Variants in GRIK2 observed in about 807,000 individuals in gnomAD.
The protein encoded by GRIK2 is glutamate ionotropic receptor kainate type subunit 2.
In GRIK2, 32 loss-of-function variants were observed where a neutral mutation model predicts 100.3. That is an observed-to-expected ratio of 0.32 (90% confidence interval 0.24 to 0.43). The LOEUF (loss-of-function observed/expected upper bound fraction) is 0.43, where lower values mean the gene tolerates loss of function less well. Ranked by LOEUF, GRIK2 falls within the 20% of genes least tolerant of loss-of-function variation. The pLI is 1.00. For synonymous variants in GRIK2, 417 were observed against 389.4 expected (o/e 1.07, Z -0.83); for missense variants, 843 against 1,114.9 (o/e 0.76, Z 3.47).
intron 2 of GRIK2, among the ~76,000 whole-genome samples, chr6:101,508,867 T>C (rs1054304787): frequency 1.3e-5 from 2 of 151,982 alleles, no homozygotes; most frequent in African/African-American, 4.8e-5. Context: ...TATAAAATGG[T>C]GTTGTAGGCT....
At chr6:101,441,246 ACT>A (rs1205888812) in intron 2 of GRIK2, among the ~76,000 whole-genome samples, 1 of 151,842 alleles carries the variant, frequency 6.6e-6, no homozygotes, top group African/African-American at 2.4e-5. Context: ...TGAGTAGTCT[ACT>A]CTCTGTCCCT....
intron 14 of GRIK2, among the ~76,000 whole-genome samples, chr6:101,938,741 A>AGGT (rs1223098281): frequency 6.6e-6 from 1 of 152,054 alleles, no homozygotes; most frequent in Non-Finnish European, 1.5e-5. Context: ...TGTAAGAATA[A>AGGT]GGTATGCTTT....
At chr6:101,952,874 C>A (rs1791689436) in intron 14 of GRIK2, among the ~76,000 whole-genome samples, 1 of 152,094 alleles carries the variant, frequency 6.6e-6, no homozygotes. Context: ...AGTGTCACCA[C>A]AATAATTTTT....
At chr6:101,617,086 A>G (rs1416370038) in intron 2 of GRIK2, among the ~76,000 whole-genome samples, 1 of 151,696 alleles carries the variant, frequency 6.6e-6, no homozygotes, top group Non-Finnish European at 1.5e-5. Context: ...ATTTAGTAAT[A>G]TTGCCTTTAT....
rs3057496 is a variant in GRIK2 at position 101,414,940 on chromosome 6, TTGTGTGTG to T, written c.115+15564_115+15571del. On this transcript the variant is annotated intron_variant, in intron 2 of 16. Transcript: ENST00000369134. ...AAAAAAGCTCTGTAGAGTTTTAAAC[TTGTGTGTG>T]TGTGTGTGTGTGTGTATGTGTGTGT... Among the ~76,000 whole-genome samples the T allele has an allele frequency of 3.4e-4, 51 of 149,892 alleles. No homozygotes were observed. In the East Asian group the frequency reaches 6.9e-3, roughly 20 times the overall value.
chr6:101,951,569 C>G (rs1225655986), intron 14 of GRIK2, among the ~76,000 whole-genome samples: 1 of 152,160 alleles, frequency 6.6e-6, no homozygotes, highest in African/African-American at 2.4e-5. Context: ...TAGCTGTGTT[C>G]CCATCCAAAT....
chr6:101,989,070 A>G (rs965805877), intron 14 of GRIK2, among the ~76,000 whole-genome samples: 3 of 152,024 alleles, frequency 2.0e-5, no homozygotes, highest in Admixed American at 6.6e-5. Flanking sequence ...ATGAATCAGT[A>G]AGAGCAACTT....
rs866489132 is a variant in GRIK2, at chr6:101,976,135, A to G, written c.2085+47503A>G. Among the ~76,000 whole-genome samples the G allele has an allele frequency of 7.2e-5, 11 of 152,060 alleles. 1 individual carries two copies. In the Middle Eastern group the frequency reaches 0.01, roughly 141 times the overall value. On this transcript the variant is annotated intron_variant, in intron 14 of 16. Coordinates refer to ENST00000369134, the MANE Select transcript of GRIK2 (RefSeq NM_021956.5). The stretch of plus-strand genomic sequence containing the variant: ...AAGATCCGACATTTCAGGAAAATGG[A>G]AAGTGTTTAAAGATCTACAGTGAGA...
At chr6:101,898,866 T>C (rs999550212) in intron 12 of GRIK2, among the ~76,000 whole-genome samples, 2 of 151,932 alleles carry the variant, frequency 1.3e-5, no homozygotes, top group Non-Finnish European at 2.9e-5. Flanking sequence ...TAGTGATAAA[T>C]CACATCTTTC....
At chr6:101,955,412 G>A (rs1791852893) in intron 14 of GRIK2, among the ~76,000 whole-genome samples, 1 of 152,068 alleles carries the variant, frequency 6.6e-6, no homozygotes, top group African/African-American at 2.4e-5. Context: ...AACACTTTGG[G>A]AGGCCAAAGC....
intron 14 of GRIK2, among the ~76,000 whole-genome samples, chr6:102,003,196 CATTT>C (rs755626366): frequency 6.6e-6 from 1 of 151,384 alleles, no homozygotes; most frequent in Non-Finnish European, 1.5e-5. Flanking sequence ...ATTTTATATT[CATTT>C]GTTTATCACA....
Position 102,064,856 on chromosome 6 carries a change from G to A in GRIK2, c.2563-3491G>A, listed in dbSNP as rs528385879. Among the ~76,000 whole-genome samples the A allele has an allele frequency of 5.3e-5, 8 of 151,242 alleles. No homozygotes were observed. The South Asian group carries it at 1.7e-3, about 31-fold the overall frequency. ...ATGAACAGTTCTTTGTGATATCCTT[G>A]AATTTGTTTAATTTGCCATGTTAAT... is the stretch of plus-strand genomic sequence containing the variant. On this transcript the variant is annotated intron_variant, in intron 16 of 16. Transcript: ENST00000369134.
At chr6:102,037,980 T>C (rs1378921365) in intron 15 of GRIK2, among the ~76,000 whole-genome samples, 2 of 151,604 alleles carry the variant, frequency 1.3e-5, no homozygotes, top group East Asian at 3.9e-4. Context: ...GCTATGAATA[T>C]CATCATGCAG....
chr6:101,634,701 C>A (rs1297330294), intron 4 of GRIK2, among the ~76,000 whole-genome samples: 1 of 151,770 alleles, frequency 6.6e-6, no homozygotes, highest in Non-Finnish European at 1.5e-5. Flanking sequence ...AATGTACATT[C>A]TTTTCATTAG....
At chr6:101,684,245 C>T (rs1771504776) in intron 6 of GRIK2, among the ~76,000 whole-genome samples, 1 of 152,136 alleles carries the variant, frequency 6.6e-6, no homozygotes, top group East Asian at 1.9e-4. Flanking sequence ...GCTGTTACAA[C>T]TCAGCATAAG....
At chr6:101,506,998 T>C (rs1449651646) in intron 2 of GRIK2, among the ~76,000 whole-genome samples, 1 of 152,104 alleles carries the variant, frequency 6.6e-6, no homozygotes, top group Non-Finnish European at 1.5e-5. Context: ...TGACATCCCA[T>C]GAAGTTTGGA....
chr6:101,984,450 A>G (rs181502717), intron 14 of GRIK2, among the ~76,000 whole-genome samples: 28 of 151,738 alleles, frequency 1.8e-4, no homozygotes, highest in Non-Finnish European at 3.5e-4. Flanking sequence ...GTTGACTGGA[A>G]CTTAATTAAA....
intron 2 of GRIK2, among the ~76,000 whole-genome samples, chr6:101,565,671 T>C (rs992229640): frequency 6.6e-6 from 1 of 151,728 alleles, no homozygotes; most frequent in African/African-American, 2.4e-5. Flanking sequence ...TTAGATTTAA[T>C]CAAATTCTAC....
chr6:101,926,662 G>A (rs766982528), intron 13 of GRIK2, among the ~76,000 whole-genome samples: 16 of 152,170 alleles, frequency 1.1e-4, no homozygotes, highest in East Asian at 1.9e-4. Flanking sequence ...ACATAACTAC[G>A]TCACTGCTGG....
Sources: allele counts gnomAD v4.1 joint callset (sites outside exome capture counted in the v4.1 genomes callset), GRCh38; gene constraint gnomAD v4.1.1; transcripts MANE v1.5; gene names NCBI Gene and HGNC (gene_info 2026-07-23, HGNC 2026-07-21).